Variants in SFRP1 observed in about 807,000 individuals in gnomAD.
The protein encoded by SFRP1 is secreted frizzled-related protein 1.
In SFRP1, 9 loss-of-function variants were observed where a neutral mutation model predicts 25.9. The observed-to-expected ratio is 0.35, with a 90% CI of 0.21 to 0.61. The LOEUF is 0.61. Ranked by LOEUF, SFRP1 falls within the 20% of genes least tolerant of loss-of-function variation. The pLI, the probability that SFRP1 is intolerant of heterozygous loss-of-function variation, is 0.78. For missense variants in SFRP1, 346 were observed against 418.2 expected (o/e 0.83, Z 1.51); for synonymous variants, 178 against 174.0 (o/e 1.02, Z -0.18).
intron 2 of SFRP1, among the ~76,000 whole-genome samples, chr8:41,282,331 C>T (rs1184851016): frequency 2.0e-5 from 3 of 152,178 alleles, no homozygotes; most frequent in Non-Finnish European, 2.9e-5. Flanking sequence ...GCCTGGGCAA[C>T]ATAGCAAGAC....
intron 2 of SFRP1, among the ~76,000 whole-genome samples, chr8:41,290,886 C>CTCTTTTTTTTT (rs1803769043): frequency 1.9e-5 from 1 of 53,874 alleles, no homozygotes; most frequent in Non-Finnish European, 4.1e-5. Flanking sequence ...TCTTCCTCGT[C>CTCTTTTTTTTT]TTTTTTTTTT....
intron 2 of SFRP1, among the ~76,000 whole-genome samples, chr8:41,268,743 G>A (rs1444401867): frequency 6.6e-6 from 1 of 152,172 alleles, no homozygotes; most frequent in Non-Finnish European, 1.5e-5. Context: ...TTCCTTGTGG[G>A]TGTGTGTGCA....
intron 2 of SFRP1, among the ~76,000 whole-genome samples, chr8:41,294,793 G>C (rs932044073): frequency 6.7e-6 from 1 of 149,802 alleles, no homozygotes; most frequent in African/African-American, 2.5e-5. Context: ...CTCTGCACAT[G>C]CACCGAGATC....
Position 41,275,415 on chromosome 8 carries a change from T to C in SFRP1, c.623-9926A>G, listed in dbSNP as rs1454569286. ...CTAAGAGACTTGCTTTTTCCCTAAA[T>C]TGCTTTCTTTTTCAGAGGGGCCTAA... On this transcript the variant is annotated intron_variant, in intron 2 of 2. Transcript: ENST00000220772. The C allele has an allele frequency of 7.5e-4, 180 of 238,864 alleles. 2 individuals carry two copies. The highest frequency in any genetic ancestry group is 4.2e-5 in the Non-Finnish European group (5 of 119,066). 14.8% of individuals were successfully genotyped at this position (238,864 alleles called of 1,614,324 possible).
At chr8:41,303,439 G>A in intron 2 of SFRP1, 22 bp downstream of exon 2, 1 of 1,594,210 alleles carries the variant, frequency 6.3e-7, no homozygotes, top group East Asian at 2.2e-5. Flanking sequence ...CCTTCCAGAG[G>A]CAGCTAGAAA....
At chr8:41,265,764 C>A (rs1585502170) in intron 2 of SFRP1, among the ~76,000 whole-genome samples, 1 of 152,110 alleles carries the variant, frequency 6.6e-6, no homozygotes. Flanking sequence ...TCCCTCATGT[C>A]TTTTGGAATC....
intron 2 of SFRP1, chr8:41,275,332 T>TAAA (rs33974931): frequency 6.1e-5 from 15 of 244,760 alleles, no homozygotes; most frequent in African/African-American, 1.6e-4. Flanking sequence ...AAGGTGCTGT[T>TAAA]AAAAAAAAAA....
intron 2 of SFRP1, among the ~76,000 whole-genome samples, chr8:41,265,703 G>A (rs1432666454): frequency 6.6e-6 from 1 of 152,036 alleles, no homozygotes; most frequent in Non-Finnish European, 1.5e-5. Context: ...GCTGAGGTTT[G>A]GGCTTCTAAT....
chr8:41,293,439 A>G (rs17652488), intron 2 of SFRP1, among the ~76,000 whole-genome samples: 58,680 of 152,106 alleles, frequency 0.39, 12,296 homozygotes, highest in Middle Eastern at 0.57. Context: ...TCTCCTCTGT[A>G]TTTATTTACC....
At chr8:41,306,837 T>A (rs1473707241) in intron 1 of SFRP1, 4 of 1,597,910 alleles carry the variant, frequency 2.5e-6, no homozygotes, top group African/African-American at 1.3e-5. Flanking sequence ...AGACAGCGAT[T>A]ATGGGGTTTC....
chr8:41,270,046 G>C (rs1017621084), intron 2 of SFRP1, among the ~76,000 whole-genome samples: 3 of 152,230 alleles, frequency 2.0e-5, no homozygotes, highest in African/African-American at 7.2e-5. Context: ...TTAAGAATGA[G>C]TCTGAAACTA....
chr8:41,286,715 C>CA (rs1803710335), intron 2 of SFRP1, among the ~76,000 whole-genome samples: 1 of 152,188 alleles, frequency 6.6e-6, no homozygotes, highest in Non-Finnish European at 1.5e-5. Context: ...AGGGGGTCCA[C>CA]ACACGAGGTC....
At chr8:41,293,318 C>G (rs749351450) in intron 2 of SFRP1, among the ~76,000 whole-genome samples, 1 of 152,206 alleles carries the variant, frequency 6.6e-6, no homozygotes, top group East Asian at 1.9e-4. Context: ...AGGAGCAGCT[C>G]CCCCTCCCAT....
intron 2 of SFRP1, 47 bp from the exon 3 acceptor site, chr8:41,265,536 C>A: frequency 7.3e-7 from 1 of 1,370,580 alleles, no homozygotes; most frequent in Non-Finnish European, 9.9e-7. Flanking sequence ...TAAGAGAAAG[C>A]ATTTAGAACA....
At chr8:41,281,983 G>A (rs1803639633) in intron 2 of SFRP1, among the ~76,000 whole-genome samples, 1 of 152,202 alleles carries the variant, frequency 6.6e-6, no homozygotes, top group African/African-American at 2.4e-5. Flanking sequence ...TGAGCTGCTA[G>A]GACAATTCAC....
rs1006637962 is a variant in SFRP1 at position 41,309,019 on chromosome 8, C to G, written c.141G>C (p.Gln47His). ...VSFQSDIGPY[Q>H]SGRFYTKPPQ... is the part of the protein sequence containing the mutation. ...GTGGCTTGGTGTAGAAGCGCCCGCT[C>G]TGGTACGGGCCGATGTCCGACTGGA... The change falls in exon 1 of 3, where the codon CAG becomes CAC. Residue 47 changes from glutamine to histidine, a missense_variant. Gln to His is a conservative substitution (Grantham distance 24). Coordinates refer to ENST00000220772, the MANE Select transcript of SFRP1 (RefSeq NM_003012.5). The G allele has an allele frequency of 3.7e-6, 6 of 1,610,784 alleles. No individual in the cohort carries two copies. In the Admixed American group the frequency reaches 1.0e-4, roughly 27 times the overall value.
At chr8:41,267,314 G>C (rs934419333) in intron 2 of SFRP1, among the ~76,000 whole-genome samples, 5 of 152,134 alleles carry the variant, frequency 3.3e-5, no homozygotes, top group African/African-American at 4.8e-5. Flanking sequence ...GACTCCACAG[G>C]GGCTGCTGAT....
intron 2 of SFRP1, among the ~76,000 whole-genome samples, chr8:41,285,027 G>C (rs1443419839): frequency 6.6e-6 from 1 of 152,254 alleles, no homozygotes; most frequent in Non-Finnish European, 1.5e-5. Context: ...TTCCGACCTG[G>C]TGGCCTGTGC....
chr8:41,296,676 G>A (rs558737748), intron 2 of SFRP1, among the ~76,000 whole-genome samples: 74 of 152,286 alleles, frequency 4.9e-4, no homozygotes, highest in Non-Finnish European at 6.9e-4. Context: ...AGGGAAAAGT[G>A]CCCCAGAGAT....
Sources: gnomAD v4.1 joint callset for allele counts (sites outside exome capture counted in the v4.1 genomes callset) on GRCh38, gnomAD v4.1.1 for gene constraint, MANE v1.5 for transcripts, NCBI Gene and HGNC (gene_info 2026-07-23, HGNC 2026-07-21) for gene names.